PARD3B: variants seen among roughly 807,000 people sequenced by gnomAD.
PARD3B encodes the protein partitioning defective 3 homolog B.
Under a neutral mutation model 130.2 loss-of-function variants are expected in PARD3B, and 103 were observed. The ratio of observed to expected loss-of-function variants is 0.79; its 90% CI spans 0.67 to 0.93. The LOEUF is 0.93. Ranked by LOEUF, PARD3B falls within the 40% of genes least tolerant of loss-of-function variation. The pLI, the probability that PARD3B is intolerant of heterozygous loss-of-function variation, is 0.00. For synonymous variants in PARD3B, 583 were observed against 553.2 expected (o/e 1.05, Z -0.76); for missense variants, 1,609 against 1,499.2 (o/e 1.07, Z -1.21).
intron 22 of PARD3B, among the ~76,000 whole-genome samples, chr2:205,602,528 C>T (rs866324254): frequency 4.6e-5 from 7 of 152,066 alleles, no homozygotes; most frequent in African/African-American, 1.7e-4. Flanking sequence ...GGTTGGTAGG[C>T]TATTTATTAC....
rs13026464 is a variant in PARD3B at position 204,938,060 on chromosome 2, A to G, written c.223-27092A>G. On this transcript the variant is annotated intron_variant, in intron 2 of 22. Coordinates refer to ENST00000406610, the MANE Select transcript of PARD3B (RefSeq NM_001302769.2). Reference sequence around the variant, plus strand: ...TTTTATAACTGCTGTTATCACTGCCATCTGCCAGAGGGAGATGAAAACCAT... The same window carrying G: ...TTTTATAACTGCTGTTATCACTGCCGTCTGCCAGAGGGAGATGAAAACCAT... 6.6e-5 allele frequency among the ~76,000 whole-genome samples: 10 copies of G among 152,340 alleles called. No homozygotes were observed. The East Asian group carries it at 1.7e-3, about 26-fold the overall frequency.
chr2:204,818,385 A>G (rs575659101), intron 2 of PARD3B, among the ~76,000 whole-genome samples: 2 of 152,318 alleles, frequency 1.3e-5, no homozygotes, highest in South Asian at 4.1e-4. Context: ...TAAGGTGTTT[A>G]TTAATGTAAA....
At chr2:205,008,008 T>C (rs1216700123) in intron 3 of PARD3B, among the ~76,000 whole-genome samples, 1 of 152,190 alleles carries the variant, frequency 6.6e-6, no homozygotes, top group Non-Finnish European at 1.5e-5. Context: ...TGTTGGTGTA[T>C]AGCAGTATAG....
chr2:204,934,205 G>T (rs534789280), intron 2 of PARD3B, among the ~76,000 whole-genome samples: 1 of 152,270 alleles, frequency 6.6e-6, no homozygotes. Flanking sequence ...TCACTGTCAT[G>T]CTGTTAATTA....
intron 2 of PARD3B, among the ~76,000 whole-genome samples, chr2:204,780,491 C>T (rs2193781): frequency 0.91 from 138,232 of 152,230 alleles, 62,958 homozygotes; most frequent in Middle Eastern, 0.97. Flanking sequence ...AATTTATAAA[C>T]AACAGAAATG....
chr2:205,578,893 G>A (rs951933751), intron 22 of PARD3B, among the ~76,000 whole-genome samples: 14 of 152,142 alleles, frequency 9.2e-5, no homozygotes, highest in African/African-American at 2.4e-4. Context: ...GGTAAGGGCC[G>A]TCTCTTAACC....
intron 2 of PARD3B, among the ~76,000 whole-genome samples, chr2:204,951,118 TGC>T (rs1161185363): frequency 1.3e-5 from 2 of 152,170 alleles, no homozygotes; most frequent in African/African-American, 4.8e-5. Flanking sequence ...AGGGCCAACT[TGC>T]TATGCACATG....
rs541470306 is a variant in PARD3B, at chr2:204,981,186, A to G, written c.394+15863A>G. ...GTATCCACTGAAATTGAAACTGTAC[A>G]TGTCCTATGACTCTGCCATTTCAGT... is the stretch of plus-strand genomic sequence containing the variant. On this transcript the variant is annotated intron_variant, in intron 3 of 22. Transcript: ENST00000406610. 1.4e-3 allele frequency among the ~76,000 whole-genome samples: 215 copies of G among 152,256 alleles called. 1 individual carries two copies. The highest frequency in any genetic ancestry group is 4.9e-3 in the African/African-American group (202 of 41,546).
chr2:205,471,185 A>G (rs933972019), intron 20 of PARD3B, among the ~76,000 whole-genome samples: 1 of 152,092 alleles, frequency 6.6e-6, no homozygotes, highest in East Asian at 1.9e-4. Flanking sequence ...TGTATTGTAG[A>G]TCCATAGGTA....
At chr2:205,037,099 GCGGACTGTATATATAAAACAAAT>G (rs1698005388) in intron 3 of PARD3B, among the ~76,000 whole-genome samples, 1 of 146,326 alleles carries the variant, frequency 6.8e-6, no homozygotes, top group Non-Finnish European at 1.5e-5. Context: ...TACATATATA[GCGGACTGTATATATAAAACAAAT>G]ATACATATAT....
At chr2:204,956,258 G>C (rs1690226030) in intron 2 of PARD3B, among the ~76,000 whole-genome samples, 1 of 152,216 alleles carries the variant, frequency 6.6e-6, no homozygotes, top group Non-Finnish European at 1.5e-5. Context: ...ATGTTTCTGA[G>C]ACGATTCTAT....
At chr2:204,755,468 AC>A in intron 2 of PARD3B, among the ~76,000 whole-genome samples, 1 of 152,112 alleles carries the variant, frequency 6.6e-6, no homozygotes. Flanking sequence ...CCAAACTCTT[AC>A]GATAAATGGG....
In PARD3B at chr2:205,229,668, C is replaced by T; in HGVS notation, c.2141-16110C>T. On this transcript the variant is annotated intron_variant, in intron 15 of 22. Transcript: ENST00000406610. This position sits in a 1 kb window ranked among gnomAD's most constrained non-coding sequence, Gnocchi z 5.2. ...GCTCACAGTAACCACTGCCTGGCTA[C>T]CACCTACATTTGCTTAGGACACTAG... Among the ~76,000 whole-genome samples the T allele has an allele frequency of 6.6e-6, 1 of 152,098 alleles. No individual in the cohort carries two copies. The highest frequency in any genetic ancestry group is 1.9e-4 in the East Asian group (1 of 5,146).
chr2:204,974,436 A>T (rs984380426), intron 3 of PARD3B, among the ~76,000 whole-genome samples: 1 of 152,208 alleles, frequency 6.6e-6, no homozygotes, highest in African/African-American at 2.4e-5. Flanking sequence ...CGTAACTTCA[A>T]TGTCCATTTT....
chr2:204,630,720 C>G (rs1236674278), intron 1 of PARD3B, among the ~76,000 whole-genome samples: 1 of 152,000 alleles, frequency 6.6e-6, no homozygotes, highest in East Asian at 1.9e-4. Flanking sequence ...GTTAGACTTT[C>G]TTTTCAAGTT....
chr2:205,520,738 G>A (rs1368739633), intron 21 of PARD3B, among the ~76,000 whole-genome samples: 1 of 151,834 alleles, frequency 6.6e-6, no homozygotes, highest in East Asian at 1.9e-4. Flanking sequence ...GGAACCTTCT[G>A]AATATACTAT....
intron 2 of PARD3B, among the ~76,000 whole-genome samples, chr2:204,754,359 T>C (rs1366846269): frequency 2.1e-5 from 3 of 145,398 alleles, no homozygotes; most frequent in Non-Finnish European, 4.7e-5. Context: ...CTCATAATGT[T>C]AAAGAGAGGG....
At chr2:205,150,250 T>TGTGTGC (rs1553625256) in intron 10 of PARD3B, among the ~76,000 whole-genome samples, 1 of 92,822 alleles carries the variant, frequency 1.1e-5, no homozygotes, top group Non-Finnish European at 2.4e-5. Flanking sequence ...TGTGTGTGTG[T>TGTGTGC]GTGCACACAC....
chr2:204,923,403 C>A (rs953837168), intron 2 of PARD3B, among the ~76,000 whole-genome samples: 11 of 151,830 alleles, frequency 7.2e-5, no homozygotes, highest in African/African-American at 2.2e-4. Context: ...AAATTTGATA[C>A]AGCACAACTT....
Sources: gnomAD v4.1 joint callset for allele counts (sites outside exome capture counted in the v4.1 genomes callset) on GRCh38, gnomAD v4.1.1 for gene constraint, Gnocchi (gnomAD v3.1) non-coding constraint, MANE v1.5 for transcripts, NCBI Gene and HGNC (gene_info 2026-07-23, HGNC 2026-07-21) for gene names.